Variants in AUH observed in about 807,000 individuals in gnomAD.
The protein encoded by AUH is AU RNA binding methylglutaconyl-CoA hydratase, also known as methylglutaconyl-CoA hydratase, mitochondrial.
A neutral mutation model predicts 42.3 loss-of-function variants in AUH; 29 were observed. The ratio of observed to expected loss-of-function variants is 0.69; its 90% confidence interval spans 0.51 to 0.93. AUH has a LOEUF of 0.93. AUH is among the 40% of genes least tolerant of loss of function. The pLI is 0.00. For synonymous variants in AUH, 174 were observed against 166.4 expected, an observed-to-expected ratio of 1.05 and a Z score of -0.35; for missense variants, 452 against 438.1, an observed-to-expected ratio of 1.03 and a Z score of -0.28.
At chr9:91,325,916 A>C (rs539189327) in intron 3 of AUH, among the ~76,000 whole-genome samples, 1 of 152,302 alleles carries the variant, frequency 6.6e-6, no homozygotes, top group Non-Finnish European at 1.5e-5. Flanking sequence ...AGTCCTTTTG[A>C]CTTCATGGAT....
At chr9:91,321,959 A>T (rs1829612375) in intron 4 of AUH, among the ~76,000 whole-genome samples, 1 of 152,164 alleles carries the variant, frequency 6.6e-6, no homozygotes, top group Admixed American at 6.5e-5. Context: ...TTCAAGATAA[A>T]GCCTGCCTGC....
chr9:91,349,535 G>A (rs924829356), intron 3 of AUH, among the ~76,000 whole-genome samples: 3 of 152,190 alleles, frequency 2.0e-5, no homozygotes. Flanking sequence ...ATCCAACGCA[G>A]CAGCCCAATC....
intron 4 of AUH, among the ~76,000 whole-genome samples, chr9:91,322,941 A>G (rs944326050): frequency 6.6e-6 from 1 of 152,202 alleles, no homozygotes; most frequent in African/African-American, 2.4e-5. Flanking sequence ...ACATACATCA[A>G]TTATAATCCC....
At chr9:91,218,475 C>T (rs571433462) in intron 7 of AUH, 65 of 351,176 alleles carry the variant, frequency 1.9e-4, no homozygotes, top group African/African-American at 1.4e-3. Flanking sequence ...GCACACAAAT[C>T]CCCATCCTCC....
intron 3 of AUH, among the ~76,000 whole-genome samples, chr9:91,344,992 A>C (rs976627280): frequency 2.7e-5 from 4 of 150,166 alleles, no homozygotes; most frequent in African/African-American, 9.8e-5. Flanking sequence ...ATTTGACAAA[A>C]TTCAATACAT....
At chr9:91,218,595 G>T in intron 7 of AUH, 1 of 983,434 alleles carries the variant, frequency 1.0e-6, no homozygotes, top group Non-Finnish European at 1.2e-6. Flanking sequence ...ACCACACTTT[G>T]GGAAGTAAAG....
chr9:91,281,625 G>T (rs907352343), intron 6 of AUH, among the ~76,000 whole-genome samples: 4 of 152,116 alleles, frequency 2.6e-5, no homozygotes, highest in Admixed American at 1.3e-4. Context: ...CTTGCTTTTT[G>T]AATAGCTTTC....
chr9:91,224,626 C>A (rs1827332069), intron 6 of AUH, among the ~76,000 whole-genome samples: 2 of 152,220 alleles, frequency 1.3e-5, no homozygotes, highest in South Asian at 4.1e-4. Context: ...TTAATTTTTG[C>A]ATAGGGTATA....
chr9:91,358,408 C>A (rs1182411807), intron 1 of AUH, among the ~76,000 whole-genome samples: 3 of 152,154 alleles, frequency 2.0e-5, no homozygotes, highest in Admixed American at 2.0e-4. Context: ...TCCCAGTCTG[C>A]CGCTTACTAG....
chr9:91,298,025 C>CGT lies in AUH; in HGVS notation c.556_557insAC (p.Gly186AspfsTer8), dbSNP rs1827486867. 15 of 1,614,018 alleles carry CGT rather than the reference C, an allele frequency of 9.3e-6. No individual in the cohort carries two copies. Among genetic ancestry groups the CGT allele is most frequent in the Non-Finnish European group, 1.3e-5 (15 of 1,179,884 alleles). On this transcript the variant is annotated frameshift_variant, in exon 5 of 10. Transcript: ENST00000375731. LOFTEE classifies it high-confidence loss of function. Reference sequence around the variant, plus strand: ...ACAGGCTAAAGCCAGTTCAAGACCACCACCTAAAGCGAGTCCATCTATTGC... The same window carrying CGT: ...ACAGGCTAAAGCCAGTTCAAGACCACGTCACCTAAAGCGAGTCCATCTATTGC...
At chr9:91,312,662 G>C (rs1336766650) in intron 4 of AUH, among the ~76,000 whole-genome samples, 1 of 152,222 alleles carries the variant, frequency 6.6e-6, no homozygotes, top group Non-Finnish European at 1.5e-5. Context: ...AGAGGTGGAG[G>C]CTGCAGTGAG....
chr9:91,361,493 A>G, intron 1 of AUH, 135 bp downstream of exon 1: 4 of 1,261,170 alleles, frequency 3.2e-6, no homozygotes, highest in Non-Finnish European at 4.3e-6. Context: ...GGAGGTGAGA[A>G]AGGGGAGGGA....
intron 4 of AUH, among the ~76,000 whole-genome samples, chr9:91,310,539 C>T (rs1828622321): frequency 6.6e-6 from 1 of 152,206 alleles, no homozygotes; most frequent in Non-Finnish European, 1.5e-5. Context: ...TCCACATTTT[C>T]TGATTCCACA....
chr9:91,247,397 C>T (rs1044729129), intron 6 of AUH, among the ~76,000 whole-genome samples: 4 of 152,100 alleles, frequency 2.6e-5, no homozygotes, highest in African/African-American at 7.2e-5. Context: ...CTGTCTCTCC[C>T]ACTCCCACTG....
intron 3 of AUH, among the ~76,000 whole-genome samples, chr9:91,351,402 A>G (rs1479197738): frequency 6.6e-6 from 1 of 152,234 alleles, no homozygotes; most frequent in African/African-American, 2.4e-5. Context: ...TATCGTATTT[A>G]TATGTCTTTA....
chr9:91,231,326 G>A (rs139754684), intron 6 of AUH, among the ~76,000 whole-genome samples: 144 of 152,298 alleles, frequency 9.5e-4, no homozygotes, highest in African/African-American at 3.4e-3. Context: ...TCCAGGTGCC[G>A]TCGGTCACCC....
rs192518749 is a variant in AUH, at chr9:91,291,193, C to G, written c.655+4828G>C. Among the ~76,000 whole-genome samples, 18 of 152,204 alleles carry G rather than the reference C, an allele frequency of 1.2e-4. No individual in the cohort carries two copies. The East Asian group carries it at 2.5e-3, about 21-fold the overall frequency. On this transcript the variant is annotated intron_variant, in intron 6 of 9. Transcript: ENST00000375731. ...GTGCCTTCCTCTTTCTTATAAGGAC[C>G]CCTTGTCTTTGGATTTAAGCCTCTC...
chr9:91,311,395 G>C (rs578033435), intron 4 of AUH, among the ~76,000 whole-genome samples: 1 of 152,126 alleles, frequency 6.6e-6, no homozygotes, highest in Non-Finnish European at 1.5e-5. Flanking sequence ...AGAAAAAGAA[G>C]TTATGAATGC....
intron 6 of AUH, among the ~76,000 whole-genome samples, chr9:91,235,961 A>G (rs1000511354): frequency 5.3e-5 from 8 of 152,164 alleles, no homozygotes; most frequent in Non-Finnish European, 1.2e-4. Flanking sequence ...GACCTTATCA[A>G]TCCTGAAGAC....
Sources: allele counts gnomAD v4.1 joint callset (sites outside exome capture counted in the v4.1 genomes callset), GRCh38; gene constraint gnomAD v4.1.1; transcripts MANE v1.5; gene names NCBI Gene and HGNC (gene_info 2026-07-23, HGNC 2026-07-21).